Variants in PRRX1 observed in about 807,000 individuals in gnomAD.
The protein encoded by PRRX1 is paired mesoderm homeobox protein 1.
Under a neutral mutation model 24.0 loss-of-function variants are expected in PRRX1, and 8 were observed. The ratio of observed to expected loss-of-function variants is 0.33; its 90% CI spans 0.20 to 0.60. The LOEUF is 0.60. PRRX1 is among the 20% of genes least tolerant of loss of function. PRRX1 has a pLI of 0.82. For synonymous variants in PRRX1, 160 were observed against 131.7 expected (o/e 1.22, Z -1.47); for missense variants, 281 against 322.4 (o/e 0.87, Z 0.98).
At chr1:170,704,483 A>G (rs1403130206) in intron 1 of PRRX1, among the ~76,000 whole-genome samples, 5 of 152,234 alleles carry the variant, frequency 3.3e-5, no homozygotes, top group Non-Finnish European at 7.3e-5. Flanking sequence ...AGGGTACACA[A>G]GATGTAATTG....
At chr1:170,735,832 C>T (rs1655582794) in intron 3 of PRRX1, among the ~76,000 whole-genome samples, 1 of 152,170 alleles carries the variant, frequency 6.6e-6, no homozygotes, top group South Asian at 2.1e-4. Flanking sequence ...CCTCACTCTA[C>T]ACCACTTTCT....
chr1:170,711,117 T>C (rs958351039), intron 1 of PRRX1, among the ~76,000 whole-genome samples: 12 of 152,238 alleles, frequency 7.9e-5, no homozygotes, highest in African/African-American at 2.9e-4. Flanking sequence ...ATCTAAAAAG[T>C]ATTTAAAAAT....
At chr1:170,711,178 T>C (rs1654733937) in intron 1 of PRRX1, among the ~76,000 whole-genome samples, 1 of 152,244 alleles carries the variant, frequency 6.6e-6, no homozygotes, top group African/African-American at 2.4e-5. Context: ...TTCAGATTTA[T>C]TTGACATCCA....
chr1:170,675,039 A>C (rs1338151309), intron 1 of PRRX1, among the ~76,000 whole-genome samples: 1 of 152,228 alleles, frequency 6.6e-6, no homozygotes, highest in Non-Finnish European at 1.5e-5. Flanking sequence ...AAATTAAAAA[A>C]CTGTGTAAGC....
intron 1 of PRRX1, among the ~76,000 whole-genome samples, chr1:170,683,405 G>A (rs1450136043): frequency 6.6e-6 from 1 of 152,192 alleles, no homozygotes; most frequent in Admixed American, 6.5e-5. Flanking sequence ...CAATGTCAAT[G>A]AGGCTGTGCA....
At chr1:170,698,921 C>G (rs1174734195) in intron 1 of PRRX1, among the ~76,000 whole-genome samples, 1 of 152,140 alleles carries the variant, frequency 6.6e-6, no homozygotes, top group African/African-American at 2.4e-5. Flanking sequence ...CTGTCTAATC[C>G]TCCCCTCAGC....
intron 2 of PRRX1, among the ~76,000 whole-genome samples, chr1:170,725,613 G>A (rs1216680690): frequency 6.6e-6 from 1 of 152,200 alleles, no homozygotes; most frequent in Non-Finnish European, 1.5e-5. Context: ...TTCTCTGCAG[G>A]ATTGAGCTAC....
At chr1:170,734,653 A>C (rs1031842607) in intron 3 of PRRX1, among the ~76,000 whole-genome samples, 2 of 141,606 alleles carry the variant, frequency 1.4e-5, no homozygotes, top group African/African-American at 2.4e-5. Flanking sequence ...GAACACATAC[A>C]TGTATGTGTG....
intron 1 of PRRX1, among the ~76,000 whole-genome samples, chr1:170,675,999 G>A (rs891090744): frequency 6.6e-6 from 1 of 152,154 alleles, no homozygotes; most frequent in East Asian, 1.9e-4. Flanking sequence ...AGGAAAGAAA[G>A]AGAACCACCC....
intron 2 of PRRX1, among the ~76,000 whole-genome samples, chr1:170,721,436 G>T (rs1053539819): frequency 9.2e-5 from 14 of 152,128 alleles, no homozygotes; most frequent in Admixed American, 9.2e-4. Flanking sequence ...GTCTATGGAG[G>T]AGGCACAGTA....
chr1:170,677,441 T>C (rs1437148954), intron 1 of PRRX1, among the ~76,000 whole-genome samples: 1 of 152,262 alleles, frequency 6.6e-6, no homozygotes, highest in Non-Finnish European at 1.5e-5. Context: ...AGTAGGGTAC[T>C]GGGCATTTTG....
chr1:170,675,917 T>G (rs1653305962), intron 1 of PRRX1, among the ~76,000 whole-genome samples: 1 of 152,078 alleles, frequency 6.6e-6, no homozygotes, highest in Admixed American at 6.5e-5. Flanking sequence ...TAAACACCAT[T>G]TTTGAAAACT....
At chr1:170,682,065 T>A (rs1653565043) in intron 1 of PRRX1, among the ~76,000 whole-genome samples, 1 of 152,138 alleles carries the variant, frequency 6.6e-6, no homozygotes, top group Non-Finnish European at 1.5e-5. Context: ...GGTGGATGGG[T>A]GATACAGTTG....
rs766933694 is a variant in PRRX1 at position 170,726,361 on chromosome 1, C to T, written c.559C>T (p.Pro187Ser). 1 of 1,614,108 alleles carries T rather than the reference C, an allele frequency of 6.2e-7. No homozygotes were observed. The highest frequency in any genetic ancestry group is 1.1e-5 in the South Asian group (1 of 91,068). ...CATCGTACCTCGTCCTGCTCCGAGA[C>T]CCACCGATTATCTCTCCTGGGGGAC... The part of the protein sequence containing the change: ...QPIVPRPAPR[P>S]TDYLSWGTAS... Residue 187 changes from proline to serine, a missense_variant, in exon 3 of 4, where the codon CCC becomes TCC. Physicochemically the swap from Pro to Ser is moderately conservative, Grantham distance 74. Coordinates refer to ENST00000239461, the MANE Select transcript of PRRX1 (RefSeq NM_022716.4).
At chr1:170,706,696 G>T (rs1654580905) in intron 1 of PRRX1, among the ~76,000 whole-genome samples, 1 of 152,134 alleles carries the variant, frequency 6.6e-6, no homozygotes, top group Non-Finnish European at 1.5e-5. Context: ...ATTAATTAGA[G>T]ACAAGTTTTG....
At chr1:170,730,431 G>A (rs952532195) in intron 3 of PRRX1, 1 of 1,225,020 alleles carries the variant, frequency 8.2e-7, no homozygotes, top group Admixed American at 1.8e-5. Context: ...AGTGGGGGTT[G>A]CAGTTCTAGA....
At chr1:170,699,068 G>C (rs780126221) in intron 1 of PRRX1, among the ~76,000 whole-genome samples, 3 of 152,170 alleles carry the variant, frequency 2.0e-5, no homozygotes, top group Non-Finnish European at 4.4e-5. Context: ...GTAATTTCTT[G>C]TTTAACTGAT....
chr1:170,723,829 C>G (rs752002638), intron 2 of PRRX1, among the ~76,000 whole-genome samples: 14 of 152,190 alleles, frequency 9.2e-5, no homozygotes, highest in Non-Finnish European at 1.5e-4. Context: ...GCATATTACT[C>G]TACTGAATAG....
Position 170,664,148 on chromosome 1 carries a change from C to A in PRRX1, c.-71C>A. ...TCTTCCCCACTCGGCTCCTCTCCCC[C>A]CTCGCGCCCACAGCGTTTGGTGTTG... On this transcript the variant is annotated 5_prime_UTR_variant, in exon 1 of 4. Coordinates refer to ENST00000239461, the MANE Select transcript of PRRX1 (RefSeq NM_022716.4). The A allele has an allele frequency of 8.6e-6, 13 of 1,510,814 alleles. No individual in the cohort carries two copies. The highest frequency in any genetic ancestry group is 3.9e-5 in the South Asian group (3 of 77,164). 93.6% of individuals were successfully genotyped at this position (1,510,814 alleles called of 1,614,324 possible). A position where few individuals can be genotyped will look rare whatever the true frequency, so the allele number is the denominator to read the frequency against.
Sources: allele counts gnomAD v4.1 joint callset (sites outside exome capture counted in the v4.1 genomes callset), GRCh38; gene constraint gnomAD v4.1.1; transcripts MANE v1.5; gene names NCBI Gene and HGNC (gene_info 2026-07-23, HGNC 2026-07-21).